Variants in PDE4B observed in about 807,000 individuals in gnomAD.
PDE4B encodes the protein 3',5'-cyclic-AMP phosphodiesterase 4B.
In PDE4B, 20 loss-of-function variants were observed where a neutral mutation model predicts 82.2. The observed-to-expected ratio is 0.24, with a 90% CI of 0.17 to 0.35. PDE4B has a LOEUF of 0.35. Ranked by LOEUF, PDE4B falls within the 10% of genes least tolerant of loss-of-function variation. The pLI, the probability that PDE4B is intolerant of heterozygous loss-of-function variation, is 1.00. For missense variants in PDE4B, 655 were observed against 907.2 expected, an observed-to-expected ratio of 0.72 and a Z score of 3.57; for synonymous variants, 320 against 318.9, an observed-to-expected ratio of 1.00 and a Z score of -0.04.
At chr1:66,074,629 C>A (rs888819771) in intron 3 of PDE4B, among the ~76,000 whole-genome samples, 2 of 152,054 alleles carry the variant, frequency 1.3e-5, no homozygotes, top group Non-Finnish European at 2.9e-5. Flanking sequence ...GAACCAGTTG[C>A]TCCTCATTTC....
intron 3 of PDE4B, among the ~76,000 whole-genome samples, chr1:66,245,285 C>T (rs4320761): frequency 0.17 from 26,122 of 152,060 alleles, 4,211 homozygotes; most frequent in African/African-American, 0.41. Flanking sequence ...TTTTAATATC[C>T]AGAAAGGTTG....
intron 1 of PDE4B, among the ~76,000 whole-genome samples, chr1:65,860,854 A>C (rs1646446251): frequency 6.6e-6 from 1 of 152,194 alleles, no homozygotes; most frequent in Non-Finnish European, 1.5e-5. Context: ...TCTTTTGAGA[A>C]ATGTCTGTTC....
intron 3 of PDE4B, among the ~76,000 whole-genome samples, chr1:66,106,128 TA>T (rs1231049244): frequency 2.6e-5 from 4 of 152,218 alleles, no homozygotes; most frequent in African/African-American, 9.6e-5. Flanking sequence ...ATACCTAATT[TA>T]TTGAGAGTTT....
chr1:65,960,417 T>G (rs10789205), intron 3 of PDE4B, among the ~76,000 whole-genome samples: 1 of 151,830 alleles, frequency 6.6e-6, no homozygotes, highest in East Asian at 1.9e-4. Flanking sequence ...TGAAATAGAT[T>G]GTCTGTGATT....
intron 3 of PDE4B, among the ~76,000 whole-genome samples, chr1:65,978,589 C>G (rs1382046567): frequency 6.6e-6 from 1 of 152,150 alleles, no homozygotes; most frequent in Admixed American, 6.6e-5. Context: ...CAAGTATTTT[C>G]ACATGCAGAT....
At chr1:66,135,471 G>A (rs1430339526) in intron 3 of PDE4B, among the ~76,000 whole-genome samples, 1 of 152,124 alleles carries the variant, frequency 6.6e-6, no homozygotes, top group Non-Finnish European at 1.5e-5. Context: ...AGAATAGAGT[G>A]TGAAGAATAG....
chr1:66,205,386 T>G (rs928787338), intron 3 of PDE4B, among the ~76,000 whole-genome samples: 1 of 152,250 alleles, frequency 6.6e-6, no homozygotes, highest in Non-Finnish European at 1.5e-5. Flanking sequence ...ATTTATATAT[T>G]TTTTCTTCTG....
At chr1:66,179,133 G>A (rs555159168) in intron 3 of PDE4B, among the ~76,000 whole-genome samples, 37 of 152,278 alleles carry the variant, frequency 2.4e-4, no homozygotes, top group Admixed American at 1.5e-3. Context: ...TTACAGGCGT[G>A]AGCCACCATG....
At chr1:65,877,616 AAAAT>A (rs58204108) in intron 1 of PDE4B, among the ~76,000 whole-genome samples, 21,986 of 147,714 alleles carry the variant, frequency 0.15, 1,916 homozygotes, top group African/African-American at 0.22. Flanking sequence ...CTCTGTCTAA[AAAAT>A]AAATAAATAA....
At chr1:66,036,043 G>A (rs1435516165) in intron 3 of PDE4B, among the ~76,000 whole-genome samples, 1 of 152,124 alleles carries the variant, frequency 6.6e-6, no homozygotes, top group African/African-American at 2.4e-5. Flanking sequence ...CCGTAACAGG[G>A]TGAAGTGATA....
At position 66,332,597 on chromosome 1, in the gene PDE4B, G is replaced by A; in HGVS notation, c.724G>A (p.Val242Ile). The stretch of plus-strand genomic sequence containing the variant: ...AGAGACCATACAGACCTACCGGTCT[G>A]TCAGTGAGATGGCTTCTAACAAGGT... ...QLETIQTYRS[V>I]SEMASNKFKR... Residue 242 changes from valine to isoleucine, a missense_variant, in exon 8 of 17, where the codon GTC becomes ATC. Val to Ile is a conservative substitution (Grantham distance 29). This residue lies in a region of PDE4B where 283 missense variants were observed against 516.4 expected (regional missense o/e 0.55). Coordinates refer to ENST00000341517, the MANE Select transcript of PDE4B (RefSeq NM_002600.4). The A allele has an allele frequency of 1.9e-6, 3 of 1,614,118 alleles. No individual in the cohort carries two copies. Among genetic ancestry groups the A allele is most frequent in the Non-Finnish European group, 2.5e-6 (3 of 1,179,976 alleles).
At chr1:66,015,351 A>G (rs1251767763) in intron 3 of PDE4B, among the ~76,000 whole-genome samples, 4 of 152,194 alleles carry the variant, frequency 2.6e-5, no homozygotes, top group Non-Finnish European at 4.4e-5. Context: ...GACAATATAA[A>G]CATGAAATTA....
intron 3 of PDE4B, among the ~76,000 whole-genome samples, chr1:65,929,462 G>A (rs753569315): frequency 2.6e-5 from 4 of 152,174 alleles, no homozygotes; most frequent in Non-Finnish European, 1.5e-5. Flanking sequence ...GACACCTGGT[G>A]AGGCTGTGCA....
chr1:65,971,271 C>G (rs1245899073), intron 3 of PDE4B, among the ~76,000 whole-genome samples: 4 of 151,938 alleles, frequency 2.6e-5, no homozygotes, highest in Non-Finnish European at 1.5e-5. Flanking sequence ...AATATTATGA[C>G]TATGTGCTTA....
chr1:65,978,441 A>G (rs1197364402), intron 3 of PDE4B, among the ~76,000 whole-genome samples: 1 of 152,202 alleles, frequency 6.6e-6, no homozygotes, highest in Middle Eastern at 3.2e-3. Flanking sequence ...AGAAAGCCTG[A>G]AGGAATTTCT....
At chr1:65,809,545 A>G (rs1405681412) in intron 1 of PDE4B, among the ~76,000 whole-genome samples, 1 of 152,126 alleles carries the variant, frequency 6.6e-6, no homozygotes, top group African/African-American at 2.4e-5. Context: ...CTCATTTTTC[A>G]TATTGAAATA....
intron 1 of PDE4B, among the ~76,000 whole-genome samples, chr1:65,894,899 G>A (rs935091787): frequency 5.9e-5 from 9 of 152,120 alleles, no homozygotes; most frequent in South Asian, 2.1e-4. Flanking sequence ...TGGCAAACGT[G>A]CAAAGTGTCT....
In PDE4B at chr1:66,161,345, A is replaced by G. The variant is rs111751517; in HGVS notation, c.282-86115A>G. On this transcript the variant is annotated intron_variant, in intron 3 of 16. Coordinates refer to ENST00000341517, the MANE Select transcript of PDE4B (RefSeq NM_002600.4). The stretch of plus-strand genomic sequence containing the variant: ...GTTTTCTTTTTAATGTATTCTCAGA[A>G]AGGGTGCTAAGAAATTGTCCCCTTT... 3.9e-5 allele frequency among the ~76,000 whole-genome samples: 6 copies of G among 152,188 alleles called. 1 individual carries two copies. The highest frequency in any genetic ancestry group is 1.4e-4 in the African/African-American group (6 of 41,542).
chr1:66,350,089 C>T (rs1325132604), intron 8 of PDE4B, among the ~76,000 whole-genome samples: 1 of 151,974 alleles, frequency 6.6e-6, no homozygotes, highest in Admixed American at 6.6e-5. Context: ...CCACTGAAGG[C>T]ACAGAATGCA....
Sources: gnomAD v4.1 joint callset for allele counts (sites outside exome capture counted in the v4.1 genomes callset) on GRCh38, gnomAD v4.1.1 for gene constraint, gnomAD v4.1.1 regional missense constraint, MANE v1.5 for transcripts, NCBI Gene and HGNC (gene_info 2026-07-23, HGNC 2026-07-21) for gene names.